MAGI1: variants seen among roughly 807,000 people sequenced by gnomAD.
MAGI1 encodes the protein membrane associated guanylate kinase, WW and PDZ domain containing 1.
In MAGI1, 58 loss-of-function variants were observed where a neutral mutation model predicts 139.9. That is an observed-to-expected ratio of 0.41 (90% confidence interval 0.34 to 0.52). The LOEUF (loss-of-function observed/expected upper bound fraction) is 0.52, where lower values mean the gene tolerates loss of function less well. MAGI1 is among the 20% of genes least tolerant of loss of function. MAGI1 has a pLI of 0.12. For synonymous variants in MAGI1, 812 were observed against 737.9 expected, an observed-to-expected ratio of 1.10 and a Z score of -1.63; for missense variants, 1,874 against 1,901.6, an observed-to-expected ratio of 0.99 and a Z score of 0.27.
At chr3:65,365,620 G>A (rs7644633) in intron 18 of MAGI1, among the ~76,000 whole-genome samples, 3,497 of 152,214 alleles carry the variant, frequency 0.023, 84 homozygotes, top group African/African-American at 0.057. Context: ...TGAGCAAGTT[G>A]TATTTTTAAT....
At chr3:65,775,502 CAAAAAAAAAAAAAAAAA>C (rs9311958) in intron 1 of MAGI1, among the ~76,000 whole-genome samples, 1 of 36,594 alleles carries the variant, frequency 2.7e-5, no homozygotes, top group African/African-American at 1.1e-4. Flanking sequence ...CCCACTCTGC[CAAAAAAAAAAAAAAAAA>C]AAAAAAAAAG....
At chr3:65,922,161 G>A (rs1331473392) in intron 1 of MAGI1, among the ~76,000 whole-genome samples, 1 of 152,032 alleles carries the variant, frequency 6.6e-6, no homozygotes, top group Non-Finnish European at 1.5e-5. Context: ...TCTAAGAGAT[G>A]AAATGACATG....
chr3:65,627,757 T>C (rs984266540), intron 1 of MAGI1, among the ~76,000 whole-genome samples: 2 of 151,930 alleles, frequency 1.3e-5, no homozygotes, highest in African/African-American at 2.4e-5. Flanking sequence ...CTGCCCACCT[T>C]GGCCTCCTGA....
At chr3:65,468,823 C>T (rs912496806) in intron 5 of MAGI1, among the ~76,000 whole-genome samples, 8 of 151,824 alleles carry the variant, frequency 5.3e-5, no homozygotes, top group South Asian at 2.1e-4. Flanking sequence ...GTAATCCCAG[C>T]GCTTTGGGAG....
At chr3:66,009,828 A>G (rs138586084) in intron 1 of MAGI1, among the ~76,000 whole-genome samples, 4 of 152,184 alleles carry the variant, frequency 2.6e-5, no homozygotes, top group African/African-American at 9.6e-5. Flanking sequence ...GCACTTTGGG[A>G]GGCCGAGATA....
intron 1 of MAGI1, among the ~76,000 whole-genome samples, chr3:65,632,675 A>G (rs2084380046): frequency 6.6e-6 from 1 of 152,200 alleles, no homozygotes; most frequent in Admixed American, 6.5e-5. Context: ...ACTCTATCCA[A>G]CTGCTCAATT....
intron 9 of MAGI1, among the ~76,000 whole-genome samples, chr3:65,438,666 G>A (rs182187572): frequency 6.6e-6 from 1 of 152,274 alleles, no homozygotes; most frequent in Non-Finnish European, 1.5e-5. Context: ...AGCCAAACTG[G>A]GGCCAATTCC....
At chr3:65,890,720 A>G (rs950690209) in intron 1 of MAGI1, among the ~76,000 whole-genome samples, 2 of 152,192 alleles carry the variant, frequency 1.3e-5, no homozygotes, top group East Asian at 3.8e-4. Flanking sequence ...GAGAACCACT[A>G]TGGTTGAAGG....
chr3:65,641,507 C>T (rs1344880810), intron 1 of MAGI1, among the ~76,000 whole-genome samples: 2 of 152,156 alleles, frequency 1.3e-5, no homozygotes, highest in African/African-American at 2.4e-5. Context: ...TGTGAATTCA[C>T]GGTAGATTCA....
At chr3:65,492,613 C>T (rs897990705) in intron 3 of MAGI1, among the ~76,000 whole-genome samples, 8 of 152,140 alleles carry the variant, frequency 5.3e-5, no homozygotes, top group South Asian at 2.1e-4. Flanking sequence ...CTATATACTA[C>T]CTTTTGGGGA....
chr3:65,674,445 T>C (rs1184382545), intron 1 of MAGI1, among the ~76,000 whole-genome samples: 1 of 152,150 alleles, frequency 6.6e-6, no homozygotes, highest in African/African-American at 2.4e-5. Context: ...AAACTCCACA[T>C]ATGGGAACTA....
intron 1 of MAGI1, among the ~76,000 whole-genome samples, chr3:65,925,546 C>CT (rs1258828614): frequency 6.6e-6 from 1 of 152,192 alleles, no homozygotes; most frequent in Non-Finnish European, 1.5e-5. Flanking sequence ...GGTTATTCCT[C>CT]TTTCTATTTC....
chr3:65,574,711 TATA>T (rs1313756935), intron 2 of MAGI1, among the ~76,000 whole-genome samples: 2 of 151,956 alleles, frequency 1.3e-5, no homozygotes, highest in Non-Finnish European at 2.9e-5. Flanking sequence ...TTCAAGACAT[TATA>T]AATCTCCAGT....
At chr3:65,626,275 T>C (rs910220212) in intron 1 of MAGI1, among the ~76,000 whole-genome samples, 1 of 152,210 alleles carries the variant, frequency 6.6e-6, no homozygotes, top group African/African-American at 2.4e-5. Context: ...ATGGATCATA[T>C]GTGGTAACTA....
At chr3:65,504,695 A>G (rs967103731) in intron 2 of MAGI1, among the ~76,000 whole-genome samples, 4 of 152,188 alleles carry the variant, frequency 2.6e-5, no homozygotes, top group Admixed American at 6.5e-5. Context: ...TGGGAGAAGA[A>G]AGCTGGTAAA....
chr3:65,742,634 T>G (rs747345473), intron 1 of MAGI1, among the ~76,000 whole-genome samples: 10 of 152,220 alleles, frequency 6.6e-5, no homozygotes, highest in Non-Finnish European at 8.8e-5. Flanking sequence ...CTGGGGTGCA[T>G]GCACAACAGC....
chr3:65,449,943 A>C (rs1948927306), intron 6 of MAGI1, among the ~76,000 whole-genome samples: 2 of 152,184 alleles, frequency 1.3e-5, no homozygotes, highest in African/African-American at 2.4e-5. Flanking sequence ...CTGAAGTATA[A>C]CCTGAAGGAT....
chr3:65,853,401 T>A (rs73832979), intron 1 of MAGI1, among the ~76,000 whole-genome samples: 5,884 of 152,294 alleles, frequency 0.039, 373 homozygotes, highest in African/African-American at 0.13. Context: ...AGGGCAAAGA[T>A]AAGATCTTAA....
intron 1 of MAGI1, among the ~76,000 whole-genome samples, chr3:65,889,086 G>A (rs540474349): frequency 1.2e-3 from 177 of 152,186 alleles, no homozygotes; most frequent in African/African-American, 3.9e-3. Flanking sequence ...ACCAAGAGAC[G>A]CTAAAAGTAC....
Sources: allele counts gnomAD v4.1 joint callset (sites outside exome capture counted in the v4.1 genomes callset), GRCh38; gene constraint gnomAD v4.1.1; transcripts MANE v1.5; gene names NCBI Gene and HGNC (gene_info 2026-07-23, HGNC 2026-07-21).